Variants in KCNJ6 observed in about 807,000 individuals in gnomAD.
The protein encoded by KCNJ6 is G protein-activated inward rectifier potassium channel 2.
A neutral mutation model predicts 34.2 loss-of-function variants in KCNJ6; 9 were observed. The ratio of observed to expected loss-of-function variants is 0.26; its 90% CI spans 0.16 to 0.46. KCNJ6 has a LOEUF of 0.46. Ranked by LOEUF, KCNJ6 falls within the 20% of genes least tolerant of loss-of-function variation. KCNJ6 has a pLI of 1.00. For missense variants in KCNJ6, 236 were observed against 531.3 expected (o/e 0.44, Z 5.46); for synonymous variants, 196 against 207.1 (o/e 0.95, Z 0.46).
chr21:37,680,766 C>G (rs1173333357), intron 3 of KCNJ6, among the ~76,000 whole-genome samples: 1 of 152,186 alleles, frequency 6.6e-6, no homozygotes, highest in Non-Finnish European at 1.5e-5. Flanking sequence ...GAATTCTGAG[C>G]CTCCATAACT....
chr21:37,691,977 T>C (rs916966470), intron 3 of KCNJ6, among the ~76,000 whole-genome samples: 2 of 152,224 alleles, frequency 1.3e-5, no homozygotes, highest in Non-Finnish European at 2.9e-5. Context: ...GGCCCATTTA[T>C]TTCAAGCAGT....
intron 2 of KCNJ6, among the ~76,000 whole-genome samples, chr21:37,788,896 C>CT (rs2123519792): frequency 6.6e-6 from 1 of 152,288 alleles, no homozygotes; most frequent in South Asian, 2.1e-4. Context: ...GCAAAAGTAA[C>CT]TAACAGTACC....
chr21:37,770,375 A>G (rs540845760), intron 2 of KCNJ6, among the ~76,000 whole-genome samples: 18 of 151,836 alleles, frequency 1.2e-4, no homozygotes, highest in African/African-American at 4.1e-4. Context: ...TTTTTTTTCA[A>G]TTTATAGAGA....
chr21:37,722,736 C>T (rs1310024266), intron 2 of KCNJ6, among the ~76,000 whole-genome samples: 4 of 152,120 alleles, frequency 2.6e-5, no homozygotes, highest in Non-Finnish European at 5.9e-5. Flanking sequence ...TAGCCATGTG[C>T]AGAAGAATGA....
chr21:37,871,864 GA>G (rs1229811863), intron 1 of KCNJ6, among the ~76,000 whole-genome samples: 1 of 152,160 alleles, frequency 6.6e-6, no homozygotes, highest in Non-Finnish European at 1.5e-5. Context: ...AACCTGTTAA[GA>G]AACAAAATGA....
At position 37,615,008 on chromosome 21, in the gene KCNJ6, C is replaced by T. The variant is rs1280661689; in HGVS notation, c.*10151G>A. ...TAACAGGCCACATGTTTTGTTGATGCCTGTTGTCACAGAATTAGAAAATAC... is the reference window on the plus strand; with the variant it reads ...TAACAGGCCACATGTTTTGTTGATGTCTGTTGTCACAGAATTAGAAAATAC... On this transcript the variant is annotated 3_prime_UTR_variant, in exon 4 of 4. Transcript: ENST00000609713. 1 of 152,124 alleles carries T rather than the reference C, an allele frequency of 6.6e-6. No individual in the cohort carries two copies. The highest frequency in any genetic ancestry group is 6.5e-5 in the Admixed American group (1 of 15,274). 9.4% of individuals were successfully genotyped at this position (152,124 alleles called of 1,614,324 possible).
intron 1 of KCNJ6, among the ~76,000 whole-genome samples, chr21:37,898,587 GAAAAAAA>G (rs112946268): frequency 1.1e-5 from 1 of 89,058 alleles, no homozygotes; most frequent in Non-Finnish European, 2.4e-5. Flanking sequence ...CATCTCAAAA[GAAAAAAA>G]AAAAAAAGAA....
intron 1 of KCNJ6, among the ~76,000 whole-genome samples, chr21:37,868,190 A>G (rs1429608686): frequency 1.3e-5 from 2 of 152,206 alleles, no homozygotes; most frequent in Non-Finnish European, 2.9e-5. Context: ...TTTGCAAACA[A>G]TGCAATAAAT....
At chr21:37,771,753 G>A (rs1390062082) in intron 2 of KCNJ6, among the ~76,000 whole-genome samples, 3 of 152,200 alleles carry the variant, frequency 2.0e-5, no homozygotes, top group Non-Finnish European at 4.4e-5. Context: ...TGAGGCTGAT[G>A]TAGTTTTATA....
At chr21:37,879,245 G>T (rs764862480) in intron 1 of KCNJ6, among the ~76,000 whole-genome samples, 1 of 152,164 alleles carries the variant, frequency 6.6e-6, no homozygotes, top group Admixed American at 6.5e-5. Context: ...ACTCCATAGA[G>T]AATTTGTACA....
chr21:37,626,478 A>G (rs1303141536), intron 3 of KCNJ6, among the ~76,000 whole-genome samples: 1 of 152,206 alleles, frequency 6.6e-6, no homozygotes, highest in African/African-American at 2.4e-5. Flanking sequence ...TGTAATTTGC[A>G]TAAAAGCACC....
chr21:37,893,274 C>T (rs1048888299), intron 1 of KCNJ6, among the ~76,000 whole-genome samples: 3 of 151,918 alleles, frequency 2.0e-5, no homozygotes, highest in Non-Finnish European at 4.4e-5. Context: ...GTGGTGTGAT[C>T]GCGGATCACT....
intron 3 of KCNJ6, among the ~76,000 whole-genome samples, chr21:37,642,736 G>A (rs1316499343): frequency 2.6e-5 from 4 of 152,116 alleles, no homozygotes; most frequent in Admixed American, 2.0e-4. Flanking sequence ...CTACAGGTAG[G>A]GGAGGAGGTG....
chr21:37,900,717 GGAGT>G (rs2055812800), intron 1 of KCNJ6, among the ~76,000 whole-genome samples: 1 of 152,164 alleles, frequency 6.6e-6, no homozygotes, highest in African/African-American at 2.4e-5. Context: ...GGCAGCAGAA[GGAGT>G]GAGTTAGGAG....
chr21:37,638,032 T>C (rs1310014100), intron 3 of KCNJ6, among the ~76,000 whole-genome samples: 1 of 152,216 alleles, frequency 6.6e-6, no homozygotes. Context: ...GTAGGTACAA[T>C]AGGTAGTGGG....
chr21:37,707,347 G>GT (rs1350477287), intron 3 of KCNJ6, among the ~76,000 whole-genome samples: 1 of 152,314 alleles, frequency 6.6e-6, no homozygotes, highest in African/African-American at 2.4e-5. Flanking sequence ...ACTCTTTCTT[G>GT]TTTTTTGCCT....
chr21:37,695,696 C>T lies in KCNJ6; in HGVS notation c.946+18515G>A, dbSNP rs2054660485. On this transcript the variant is annotated intron_variant, in intron 3 of 3. Transcript: ENST00000609713. The surrounding 1 kb of genome is among the most constrained non-coding windows in gnomAD (Gnocchi z 4.2). The stretch of plus-strand genomic sequence containing the variant: ...GTACTTAGCAGCCAGTTAAGCTGGG[C>T]TAGAACCGACCTCTTTTGTAAATGG... Among the ~76,000 whole-genome samples the T allele has an allele frequency of 1.3e-5, 2 of 152,172 alleles. No homozygotes were observed. The highest frequency in any genetic ancestry group is 4.8e-5 in the African/African-American group (2 of 41,454).
intron 2 of KCNJ6, among the ~76,000 whole-genome samples, chr21:37,827,480 C>T (rs1416496605): frequency 5.9e-5 from 9 of 151,814 alleles, no homozygotes; most frequent in Non-Finnish European, 1.2e-4. Flanking sequence ...TTTTTAGTAC[C>T]TAATGGAAAT....
At chr21:37,903,761 C>T (rs1393474550) in intron 1 of KCNJ6, among the ~76,000 whole-genome samples, 1 of 151,828 alleles carries the variant, frequency 6.6e-6, no homozygotes, top group Non-Finnish European at 1.5e-5. Flanking sequence ...AACGAAGAAG[C>T]AACTTGAGTC....
Sources: gnomAD v4.1 joint callset for allele counts (sites outside exome capture counted in the v4.1 genomes callset) on GRCh38, gnomAD v4.1.1 for gene constraint, Gnocchi (gnomAD v3.1) non-coding constraint, MANE v1.5 for transcripts, NCBI Gene and HGNC (gene_info 2026-07-23, HGNC 2026-07-21) for gene names.